PLCB4: variants seen among roughly 807,000 people sequenced by gnomAD.
PLCB4 encodes the protein 1-phosphatidylinositol 4,5-bisphosphate phosphodiesterase beta-4.
In PLCB4, 77 loss-of-function variants were observed where a neutral mutation model predicts 178.8. The ratio of observed to expected loss-of-function variants is 0.43; its 90% CI spans 0.36 to 0.52. The LOEUF (loss-of-function observed/expected upper bound fraction) is 0.52. Ranked by LOEUF, PLCB4 falls within the 20% of genes least tolerant of loss-of-function variation. The pLI is 0.00. For synonymous variants in PLCB4, 496 were observed against 490.8 expected, an observed-to-expected ratio of 1.01 and a Z score of -0.14; for missense variants, 1,024 against 1,453.4, an observed-to-expected ratio of 0.70 and a Z score of 4.80.
chr20:9,144,295 T>C (rs2092551635), intron 2 of PLCB4, among the ~76,000 whole-genome samples: 2 of 152,232 alleles, frequency 1.3e-5, no homozygotes, highest in East Asian at 3.9e-4. Flanking sequence ...TGTTTGTTGA[T>C]AGATACAACT....
At chr20:9,295,620 G>A (rs1033507721) in intron 3 of PLCB4, among the ~76,000 whole-genome samples, 2 of 152,134 alleles carry the variant, frequency 1.3e-5, no homozygotes, top group Non-Finnish European at 2.9e-5. Flanking sequence ...AAGGGATCCA[G>A]TTTCAGCTTT....
intron 3 of PLCB4, among the ~76,000 whole-genome samples, chr20:9,282,328 G>C (rs549826690): frequency 5.8e-4 from 88 of 152,062 alleles, no homozygotes; most frequent in African/African-American, 2.1e-3. Context: ...TTCTCTGTCA[G>C]GTTGCTCACA....
At chr20:9,195,821 T>G (rs2147162091) in intron 2 of PLCB4, among the ~76,000 whole-genome samples, 1 of 152,320 alleles carries the variant, frequency 6.6e-6, no homozygotes, top group South Asian at 2.1e-4. Flanking sequence ...ATCCTACTGG[T>G]TCTGTTTCTC....
intron 33 of PLCB4, among the ~76,000 whole-genome samples, chr20:9,453,937 C>CAAT (rs1169279364): frequency 6.6e-6 from 1 of 152,164 alleles, no homozygotes; most frequent in African/African-American, 2.4e-5. Context: ...GACAGTGGTG[C>CAAT]AATACCATTA....
chr20:9,084,017 A>G (rs2090286044), intron 1 of PLCB4, among the ~76,000 whole-genome samples: 1 of 152,272 alleles, frequency 6.6e-6, no homozygotes, highest in South Asian at 2.1e-4. Context: ...CTTGTGATAC[A>G]GAAACAAAGT....
At chr20:9,209,899 G>A (rs1361639395) in intron 2 of PLCB4, among the ~76,000 whole-genome samples, 1 of 145,066 alleles carries the variant, frequency 6.9e-6, no homozygotes, top group African/African-American at 2.6e-5. Flanking sequence ...GGGAGGCGAA[G>A]CTTGCAGTGA....
chr20:9,316,660 C>A (rs1468761345), intron 4 of PLCB4, among the ~76,000 whole-genome samples: 1 of 152,176 alleles, frequency 6.6e-6, no homozygotes, highest in Non-Finnish European at 1.5e-5. Context: ...TCTGCACACA[C>A]TTTTCTTGTC....
At chr20:9,072,905 A>G (rs2089642651) in intron 1 of PLCB4, among the ~76,000 whole-genome samples, 1 of 152,200 alleles carries the variant, frequency 6.6e-6, no homozygotes, top group Non-Finnish European at 1.5e-5. Context: ...AATGGACATA[A>G]ATCCAAGGTT....
chr20:9,368,733 G>A (rs2035989029), intron 9 of PLCB4, among the ~76,000 whole-genome samples: 1 of 152,166 alleles, frequency 6.6e-6, no homozygotes, highest in South Asian at 2.1e-4. Context: ...CAAAGAGTGG[G>A]ACTCCCTTAG....
At chr20:9,391,982 G>A (rs995572849) in intron 17 of PLCB4, among the ~76,000 whole-genome samples, 12 of 152,064 alleles carry the variant, frequency 7.9e-5, no homozygotes, top group Admixed American at 1.3e-4. Context: ...CCAAGTAGAC[G>A]ACCTGGTGCA....
intron 4 of PLCB4, among the ~76,000 whole-genome samples, chr20:9,332,299 A>T (rs2031795339): frequency 2.0e-5 from 3 of 152,206 alleles, no homozygotes; most frequent in Admixed American, 1.3e-4. Context: ...CTTTCAGGTC[A>T]GGAGGGATTC....
chr20:9,150,191 G>A (rs1005396205), intron 2 of PLCB4, among the ~76,000 whole-genome samples: 4 of 152,190 alleles, frequency 2.6e-5, no homozygotes, highest in Non-Finnish European at 5.9e-5. Context: ...TAAACCATAA[G>A]AAATGCCTTG....
At chr20:9,082,320 T>C (rs1014957748) in intron 1 of PLCB4, among the ~76,000 whole-genome samples, 6 of 152,254 alleles carry the variant, frequency 3.9e-5, no homozygotes, top group Admixed American at 3.9e-4. Context: ...GGAAATATTC[T>C]GCTGAATACA....
At chr20:9,103,827 T>C (rs1305343621) in intron 2 of PLCB4, among the ~76,000 whole-genome samples, 1 of 152,214 alleles carries the variant, frequency 6.6e-6, no homozygotes, top group Non-Finnish European at 1.5e-5. Flanking sequence ...GGCTAAATTA[T>C]AATTGTTTAA....
At chr20:9,391,644 C>T (rs2038155451) in intron 17 of PLCB4, among the ~76,000 whole-genome samples, 1 of 152,208 alleles carries the variant, frequency 6.6e-6, no homozygotes. Context: ...CTGCAGGTGA[C>T]CTGCCCATAT....
chr20:9,383,130 C>T (rs1413502015), intron 13 of PLCB4, among the ~76,000 whole-genome samples: 1 of 152,116 alleles, frequency 6.6e-6, no homozygotes, highest in Non-Finnish European at 1.5e-5. Flanking sequence ...AAATTAAAAA[C>T]AGCCCAAACT....
At chr20:9,210,817 T>C (rs1438725647) in intron 2 of PLCB4, among the ~76,000 whole-genome samples, 1 of 152,048 alleles carries the variant, frequency 6.6e-6, no homozygotes, top group African/African-American at 2.4e-5. Context: ...CTGAGAGAAT[T>C]GGAGGGGGTG....
At chr20:9,235,386 G>A (rs1219540401) in intron 3 of PLCB4, among the ~76,000 whole-genome samples, 1 of 152,136 alleles carries the variant, frequency 6.6e-6, no homozygotes, top group Non-Finnish European at 1.5e-5. Flanking sequence ...CTCCTGTTAG[G>A]CCATAAATGT....
intron 3 of PLCB4, among the ~76,000 whole-genome samples, chr20:9,294,092 T>C (rs750673718): frequency 7.9e-5 from 12 of 152,190 alleles, no homozygotes. Flanking sequence ...CATTTGTCAA[T>C]TGCAGTTCCT....
Sources: allele counts gnomAD v4.1 joint callset (sites outside exome capture counted in the v4.1 genomes callset), GRCh38; gene constraint gnomAD v4.1.1; transcripts MANE v1.5; gene names NCBI Gene and HGNC (gene_info 2026-07-23, HGNC 2026-07-21).